Variants in NOS1AP observed in about 807,000 individuals in gnomAD.
NOS1AP encodes carboxyl-terminal PDZ ligand of neuronal nitric oxide synthase protein.
NOS1AP carries 21 observed loss-of-function variants against 56.2 expected under a neutral mutation model. That is an observed-to-expected ratio of 0.37 (90% CI 0.26 to 0.54). The LOEUF (loss-of-function observed/expected upper bound fraction) is 0.54, where lower values mean the gene tolerates loss of function less well. NOS1AP is among the 20% of genes least tolerant of loss of function. The probability of loss-of-function intolerance (pLI) is 0.84; values close to 1 mark genes in which losing one functional copy is unlikely to be tolerated. For missense variants in NOS1AP, 522 were observed against 657.8 expected (o/e 0.79, Z 2.26); for synonymous variants, 270 against 274.6 (o/e 0.98, Z 0.17).
At chr1:162,328,934 C>CTGT (rs757043753) in intron 4 of NOS1AP, among the ~76,000 whole-genome samples, 52 of 152,118 alleles carry the variant, frequency 3.4e-4, no homozygotes, top group African/African-American at 1.3e-3. Context: ...GTTGTTGCTG[C>CTGT]TGTTGTTGTT....
chr1:162,289,937 G>C (rs887387598), intron 3 of NOS1AP, among the ~76,000 whole-genome samples: 1 of 152,142 alleles, frequency 6.6e-6, no homozygotes, highest in African/African-American at 2.4e-5. Context: ...TCTCTCCCAT[G>C]TACCTTTACC....
At chr1:162,240,343 G>A (rs1046736528) in intron 2 of NOS1AP, among the ~76,000 whole-genome samples, 3 of 151,890 alleles carry the variant, frequency 2.0e-5, no homozygotes, top group East Asian at 1.9e-4. Flanking sequence ...GGCCCTATGG[G>A]CAGTACCTCA....
At chr1:162,302,418 G>C (rs1995751) in intron 4 of NOS1AP, among the ~76,000 whole-genome samples, 63,198 of 152,084 alleles carry the variant, frequency 0.42, 14,038 homozygotes, top group East Asian at 0.61. Context: ...TTAAGAAACA[G>C]ATTGCATCAG....
chr1:162,094,298 CA>C (rs1428507255), intron 1 of NOS1AP, among the ~76,000 whole-genome samples: 1 of 152,118 alleles, frequency 6.6e-6, no homozygotes. Flanking sequence ...CTCTTCATTC[CA>C]TTTACTTTCA....
chr1:162,216,928 T>C (rs1406168431), intron 2 of NOS1AP, among the ~76,000 whole-genome samples: 1 of 152,218 alleles, frequency 6.6e-6, no homozygotes, highest in Non-Finnish European at 1.5e-5. Flanking sequence ...TTAACACATA[T>C]AGCAAATTTA....
At chr1:162,110,735 G>C (rs1207445502) in intron 1 of NOS1AP, among the ~76,000 whole-genome samples, 1 of 152,168 alleles carries the variant, frequency 6.6e-6, no homozygotes, top group Non-Finnish European at 1.5e-5. Context: ...GGAAACTTGA[G>C]TTCTGTCTAA....
intron 2 of NOS1AP, among the ~76,000 whole-genome samples, chr1:162,199,634 GTGTGTGTCTGTGTGTA>G (rs1200637494): frequency 3.4e-4 from 49 of 142,550 alleles, no homozygotes; most frequent in African/African-American, 1.1e-3. Flanking sequence ...GTGTGTGTGT[GTGTGTGTCTGTGTGTA>G]AATTCTTGCA....
chr1:162,324,030 A>G (rs974860746), intron 4 of NOS1AP, among the ~76,000 whole-genome samples: 4 of 152,202 alleles, frequency 2.6e-5, no homozygotes, highest in African/African-American at 9.7e-5. Context: ...GAGAAGAGGA[A>G]GAGGTAATTT....
At chr1:162,093,995 G>T (rs1252009253) in intron 1 of NOS1AP, among the ~76,000 whole-genome samples, 1 of 152,164 alleles carries the variant, frequency 6.6e-6, no homozygotes, top group Non-Finnish European at 1.5e-5. Flanking sequence ...GTTCCTTCTG[G>T]CAGCCTAGTT....
chr1:162,277,616 G>C (rs191372675), intron 2 of NOS1AP, among the ~76,000 whole-genome samples: 1 of 152,294 alleles, frequency 6.6e-6, no homozygotes, highest in African/African-American at 2.4e-5. Context: ...AAATTCAACG[G>C]GTAGAAGACT....
At chr1:162,086,108 G>A (rs1274440905) in intron 1 of NOS1AP, among the ~76,000 whole-genome samples, 1 of 152,136 alleles carries the variant, frequency 6.6e-6, no homozygotes, top group Non-Finnish European at 1.5e-5. Context: ...CTGCGATGGG[G>A]CAGAGCTCAT....
intron 4 of NOS1AP, among the ~76,000 whole-genome samples, chr1:162,325,356 G>T (rs918874714): frequency 6.6e-6 from 1 of 152,186 alleles, no homozygotes; most frequent in Non-Finnish European, 1.5e-5. Context: ...TGTTCATGCT[G>T]CAGGGCTGGT....
At chr1:162,221,625 C>T (rs1398913999) in intron 2 of NOS1AP, among the ~76,000 whole-genome samples, 1 of 151,368 alleles carries the variant, frequency 6.6e-6, no homozygotes, top group East Asian at 1.9e-4. Flanking sequence ...AACTCACTAG[C>T]TTTTTTACTT....
intron 2 of NOS1AP, among the ~76,000 whole-genome samples, chr1:162,248,921 C>G (rs577483358): frequency 6.6e-6 from 1 of 152,126 alleles, no homozygotes; most frequent in Non-Finnish European, 1.5e-5. Context: ...CCACAGCACC[C>G]CCCCCTTTCC....
rs149092224 is a variant in NOS1AP at position 162,211,457 on chromosome 1, T to C, written c.177+56981T>C. 1.1e-3 allele frequency among the ~76,000 whole-genome samples: 169 copies of C among 152,332 alleles called. 1 individual carries two copies. Among genetic ancestry groups the C allele is most frequent in the Admixed American group, 9.5e-3 (146 of 15,300 alleles). On this transcript the variant is annotated intron_variant, in intron 2 of 9. Coordinates refer to ENST00000361897, the MANE Select transcript of NOS1AP (RefSeq NM_014697.3). Reference sequence around the variant, plus strand: ...CTACCTTTGTAACCTCATTTAACTTTAATTACCTCCTAAAAGCCCCTTCTC... The same window carrying C: ...CTACCTTTGTAACCTCATTTAACTTCAATTACCTCCTAAAAGCCCCTTCTC...
chr1:162,082,596 A>C (rs1301980751), intron 1 of NOS1AP, among the ~76,000 whole-genome samples: 1 of 152,060 alleles, frequency 6.6e-6, no homozygotes, highest in Non-Finnish European at 1.5e-5. Flanking sequence ...CCTTGCCAAC[A>C]TCTGTTATTT....
At chr1:162,082,007 G>C (rs1426778691) in intron 1 of NOS1AP, among the ~76,000 whole-genome samples, 3 of 151,598 alleles carry the variant, frequency 2.0e-5, no homozygotes, top group Admixed American at 2.0e-4. Context: ...AGTCATGGGG[G>C]TTTGTTGTAC....
intron 2 of NOS1AP, among the ~76,000 whole-genome samples, chr1:162,281,964 G>GGATTACC (rs1243929621): frequency 3.9e-5 from 6 of 152,194 alleles, no homozygotes; most frequent in Non-Finnish European, 8.8e-5. Flanking sequence ...GCTGGGCATG[G>GGATTACC]TGGCAGGTGC....
chr1:162,247,560 G>T (rs1350638957), intron 2 of NOS1AP, among the ~76,000 whole-genome samples: 5 of 152,182 alleles, frequency 3.3e-5, no homozygotes, highest in Non-Finnish European at 5.9e-5. Flanking sequence ...ATATGGAAGA[G>T]ACTTTTTGGA....
Sources: gnomAD v4.1 joint callset for allele counts (sites outside exome capture counted in the v4.1 genomes callset) on GRCh38, gnomAD v4.1.1 for gene constraint, MANE v1.5 for transcripts, NCBI Gene and HGNC (gene_info 2026-07-23, HGNC 2026-07-21) for gene names.